The following CSMD1 variants were observed in gnomAD, a reference collection of about 807,000 sequenced individuals.
CSMD1 encodes the protein CUB and Sushi multiple domains 1, also known as CUB and sushi domain-containing protein 1.
CSMD1 carries 213 observed loss-of-function variants against 417.5 expected under a neutral mutation model. The ratio of observed to expected loss-of-function variants is 0.51; its 90% CI spans 0.46 to 0.57. The LOEUF (loss-of-function observed/expected upper bound fraction) is 0.57, where lower values mean the gene tolerates loss of function less well. CSMD1 is among the 20% of genes least tolerant of loss of function. The pLI, the probability that CSMD1 is intolerant of heterozygous loss-of-function variation, is 0.00. For synonymous variants in CSMD1, 2,862 were observed against 1,736.8 expected (o/e 1.65, Z -16.11); for missense variants, 6,923 against 4,529.7 (o/e 1.53, Z -15.17).
At chr8:4,146,458 G>C (rs1181353112) in intron 3 of CSMD1, among the ~76,000 whole-genome samples, 1 of 150,544 alleles carries the variant, frequency 6.6e-6, no homozygotes, top group Non-Finnish European at 1.5e-5. Context: ...TAAGTGTAGA[G>C]TTAACAATGT....
intron 5 of CSMD1, among the ~76,000 whole-genome samples, chr8:3,988,769 T>G (rs948459054): frequency 2.0e-5 from 3 of 152,208 alleles, no homozygotes; most frequent in Non-Finnish European, 2.9e-5. Context: ...GCCCTGAATG[T>G]GAAACAATGC....
chr8:3,992,085 G>C (rs1368468490), intron 5 of CSMD1, among the ~76,000 whole-genome samples: 3 of 143,768 alleles, frequency 2.1e-5, no homozygotes, highest in Admixed American at 7.2e-5. Flanking sequence ...CCTTCAGCTG[G>C]TATGCAGAGT....
intron 6 of CSMD1, among the ~76,000 whole-genome samples, chr8:3,737,215 T>C (rs1335713789): frequency 7.4e-6 from 1 of 135,914 alleles, no homozygotes; most frequent in Non-Finnish European, 1.7e-5. Flanking sequence ...GGAGAAATTA[T>C]CATTGATTTT....
chr8:4,905,680 C>A (rs531873459), intron 1 of CSMD1, among the ~76,000 whole-genome samples: 4 of 151,710 alleles, frequency 2.6e-5, no homozygotes, highest in African/African-American at 7.3e-5. Flanking sequence ...ATTAGCCGGG[C>A]GTGGTGGCGG....
chr8:4,492,554 T>C (rs1249579673), intron 2 of CSMD1, among the ~76,000 whole-genome samples: 1 of 152,228 alleles, frequency 6.6e-6, no homozygotes, highest in Non-Finnish European at 1.5e-5. Context: ...CTCTAGTTTT[T>C]AGAAGTGAAA....
chr8:3,335,348 G>C (rs1021316248), intron 23 of CSMD1, among the ~76,000 whole-genome samples: 2 of 152,152 alleles, frequency 1.3e-5, no homozygotes, highest in African/African-American at 4.8e-5. Flanking sequence ...AGTGGTGTGT[G>C]TCCCAACGAC....
intron 12 of CSMD1, among the ~76,000 whole-genome samples, chr8:3,417,722 A>T (rs199505701): frequency 0.019 from 2,857 of 152,084 alleles, 57 homozygotes; most frequent in East Asian, 0.097. Flanking sequence ...TTAGATTCTC[A>T]TTTTTTTTCC....
chr8:4,045,259 A>C (rs1798091510), intron 3 of CSMD1, among the ~76,000 whole-genome samples: 1 of 152,200 alleles, frequency 6.6e-6, no homozygotes, highest in Admixed American at 6.5e-5. Context: ...AAGTGAGACA[A>C]AGCCTCTCAT....
chr8:3,452,313 T>G (rs1815784992), intron 12 of CSMD1, among the ~76,000 whole-genome samples: 1 of 152,178 alleles, frequency 6.6e-6, no homozygotes, highest in African/African-American at 2.4e-5. Flanking sequence ...TTTATTTCCT[T>G]CTCCTGCCTG....
intron 4 of CSMD1, among the ~76,000 whole-genome samples, chr8:4,029,927 A>C (rs759874241): frequency 2.0e-5 from 3 of 152,176 alleles, no homozygotes; most frequent in Non-Finnish European, 4.4e-5. Flanking sequence ...GCCCTATGTA[A>C]GTATAGAATC....
At chr8:4,278,785 G>A (rs1371685796) in intron 3 of CSMD1, among the ~76,000 whole-genome samples, 1 of 152,064 alleles carries the variant, frequency 6.6e-6, no homozygotes, top group Non-Finnish European at 1.5e-5. Context: ...GTGATTATGT[G>A]GAATGCTTTC....
intron 5 of CSMD1, among the ~76,000 whole-genome samples, chr8:3,990,182 A>G (rs1287355517): frequency 6.6e-6 from 1 of 152,238 alleles, no homozygotes; most frequent in African/African-American, 2.4e-5. Context: ...GCCACATACA[A>G]AAAGAAAGAA....
chr8:3,964,578 A>C (rs1057489902), intron 5 of CSMD1, among the ~76,000 whole-genome samples: 1 of 152,208 alleles, frequency 6.6e-6, no homozygotes, highest in Admixed American at 6.5e-5. Context: ...TTGCAGGTTA[A>C]TTCTCTGATC....
intron 3 of CSMD1, among the ~76,000 whole-genome samples, chr8:4,130,812 T>C (rs1041282322): frequency 1.3e-5 from 2 of 151,718 alleles, no homozygotes; most frequent in Admixed American, 1.3e-4. Context: ...TATATATTTG[T>C]ATATATAATA....
At chr8:3,235,071 T>C (rs1444254872) in intron 26 of CSMD1, among the ~76,000 whole-genome samples, 1 of 152,208 alleles carries the variant, frequency 6.6e-6, no homozygotes, top group African/African-American at 2.4e-5. Flanking sequence ...AAGTGATAAT[T>C]TCTGTCACAG....
intron 7 of CSMD1, among the ~76,000 whole-genome samples, chr8:3,640,628 T>A (rs889586680): frequency 1.3e-5 from 2 of 152,218 alleles, no homozygotes; most frequent in Non-Finnish European, 2.9e-5. Context: ...ACCTCAGTCG[T>A]CCTGCTACGT....
At chr8:3,153,311 A>G (rs1440453063) in intron 39 of CSMD1, among the ~76,000 whole-genome samples, 1 of 152,192 alleles carries the variant, frequency 6.6e-6, no homozygotes, top group East Asian at 1.9e-4. Flanking sequence ...ATCATCAAGA[A>G]ACAACCATAA....
chr8:4,721,573 G>A (rs985137137), intron 1 of CSMD1, among the ~76,000 whole-genome samples: 3 of 152,186 alleles, frequency 2.0e-5, no homozygotes, highest in Non-Finnish European at 4.4e-5. Flanking sequence ...TGTTGACAAA[G>A]ATGTAAAGAA....
At chr8:2,963,454 T>A (rs753284701) in intron 59 of CSMD1, 59 bp from the exon 60 acceptor site, 2 of 1,527,698 alleles carry the variant, frequency 1.3e-6, no homozygotes, top group Non-Finnish European at 1.8e-6. Flanking sequence ...GCGGTGATGT[T>A]CAAACGATTC....
Sources: gnomAD v4.1 joint callset for allele counts (sites outside exome capture counted in the v4.1 genomes callset) on GRCh38, gnomAD v4.1.1 for gene constraint, MANE v1.5 for transcripts, NCBI Gene and HGNC (gene_info 2026-07-23, HGNC 2026-07-21) for gene names.